The following CACNA1C variants were observed in gnomAD, a reference collection of about 807,000 sequenced individuals.
The protein encoded by CACNA1C is voltage-dependent L-type calcium channel subunit alpha-1C.
A neutral mutation model predicts 229.0 loss-of-function variants in CACNA1C; 30 were observed. That is an observed-to-expected ratio of 0.13 (90% confidence interval 0.10 to 0.18). The LOEUF is 0.18. CACNA1C is among the 10% of genes least tolerant of loss of function. CACNA1C has a pLI of 1.00. For synonymous variants in CACNA1C, 1,114 were observed against 1,132.5 expected (o/e 0.98, Z 0.33); for missense variants, 1,658 against 2,845.0 (o/e 0.58, Z 9.49).
chr12:2,685,329 C>T (rs535816859), intron 43 of CACNA1C, among the ~76,000 whole-genome samples: 24 of 150,768 alleles, frequency 1.6e-4, no homozygotes, highest in East Asian at 1.6e-3. Context: ...AATCGGGGGA[C>T]GGGCATAAGT....
chr12:2,597,626 AAT>A lies in CACNA1C; in HGVS notation c.2853+338_2853+339del, dbSNP rs2069034421. 3 of 730,822 alleles carry A rather than the reference AAT, an allele frequency of 4.1e-6. No individual in the cohort carries two copies. The highest frequency in any genetic ancestry group is 4.2e-5 in the Admixed American group (2 of 47,564). 45.3% of individuals were successfully genotyped at this position (730,822 alleles called of 1,614,324 possible). On this transcript the variant is annotated intron_variant, in intron 21 of 46. Transcript: ENST00000399655. This position sits in a 1 kb window ranked among gnomAD's most constrained non-coding sequence, Gnocchi z 4.3. ...TTACTCCCAAGCCTGAAATTGGAAA[AAT>A]GAGTGCCCCTCACTTTGTGTGATGC...
chr12:2,310,897 G>A (rs984798512), intron 3 of CACNA1C, among the ~76,000 whole-genome samples: 1 of 152,184 alleles, frequency 6.6e-6, no homozygotes, highest in African/African-American at 2.4e-5. Context: ...GAGTTGAGGG[G>A]TAGAAAAAGG....
At position 2,665,796 on chromosome 12, in the gene CACNA1C, C is replaced by T; in HGVS notation, c.4526+88C>T. 7.6e-7 allele frequency: 1 copy of T among 1,324,224 alleles called. No homozygotes were observed. The highest frequency in any genetic ancestry group is 1.0e-6 in the Non-Finnish European group (1 of 972,466). The allele number at this position is 1,324,224 out of a possible 1,614,324, so 82.0% of individuals were successfully genotyped here. A position where few individuals can be genotyped will look rare whatever the true frequency, so the allele number is the denominator to read the frequency against. ...GCAGGAGGGGCTCAAGGTTGGCCAA[C>T]ACTGGGTGGATCAATTAGAAACACT... On this transcript the variant is annotated intron_variant, in intron 36 of 46. Transcript: ENST00000399655. This position sits in a 1 kb window ranked among gnomAD's most constrained non-coding sequence, Gnocchi z 5.9.
chr12:2,637,590 T>C (rs888863385), intron 30 of CACNA1C, among the ~76,000 whole-genome samples: 1 of 152,238 alleles, frequency 6.6e-6, no homozygotes, highest in African/African-American at 2.4e-5. Context: ...GCAGCCAGTG[T>C]GAGGGACAGC....
At chr12:2,363,797 T>G (rs1179309936) in intron 3 of CACNA1C, among the ~76,000 whole-genome samples, 1 of 152,114 alleles carries the variant, frequency 6.6e-6, no homozygotes, top group African/African-American at 2.4e-5. Context: ...AGGTTTGGGG[T>G]AGGGGGACGG....
Position 2,689,800 on chromosome 12 carries a change from G to C in CACNA1C, c.6117+1021G>C, listed in dbSNP as rs916776688. 1.3e-5 allele frequency: 2 copies of C among 152,234 alleles called. No homozygotes were observed. Among genetic ancestry groups the C allele is most frequent in the African/African-American group, 4.8e-5 (2 of 41,426 alleles). The allele number at this position is 152,234 out of a possible 1,614,324, so 9.4% of individuals were successfully genotyped here. A position where few individuals can be genotyped will look rare whatever the true frequency, so the allele number is the denominator to read the frequency against. ...GGTACAGGGACACAGCTGAGAAACA[G>C]AGCTTCTGCTCTCATGAGCTCACAT... On this transcript the variant is annotated intron_variant, in intron 46 of 46. Coordinates refer to ENST00000399655, the MANE Select transcript of CACNA1C (RefSeq NM_000719.7). The surrounding 1 kb of genome is among the most constrained non-coding windows in gnomAD (Gnocchi z 4.2).
chr12:2,394,002 G>C (rs2098530427), intron 3 of CACNA1C, among the ~76,000 whole-genome samples: 1 of 152,152 alleles, frequency 6.6e-6, no homozygotes, highest in African/African-American at 2.4e-5. Flanking sequence ...CCCAGCTACA[G>C]GCTAAAGCAG....
intron 8 of CACNA1C, among the ~76,000 whole-genome samples, chr12:2,510,033 T>C (rs1172312888): frequency 6.6e-6 from 1 of 152,218 alleles, no homozygotes; most frequent in African/African-American, 2.4e-5. Flanking sequence ...CACACCGCCC[T>C]GTGCATGCTT....
chr12:2,067,458 GT>G lies in CACNA1C; in HGVS notation c.49+13848del, dbSNP rs997356496. Among the ~76,000 whole-genome samples, 1 of 104,478 alleles carries G rather than the reference GT, an allele frequency of 9.6e-6. No homozygotes were observed. The highest frequency in any genetic ancestry group is 2.2e-5 in the Non-Finnish European group (1 of 46,480). The allele number at this position is 104,478 out of a possible 152,430, so 68.5% of individuals were successfully genotyped here. On this transcript the variant is annotated intron_variant, in intron 1 of 46. Coordinates refer to ENST00000399655, the MANE Select transcript of CACNA1C (RefSeq NM_000719.7). This position sits in a 1 kb window ranked among gnomAD's most constrained non-coding sequence, Gnocchi z 5.3. ...TGTGGACTAGGATGCACGTGTGTGTGTGTGTGTGTGTGTGTGTGTGTGTGCG... is the reference window on the plus strand; with the variant it reads ...TGTGGACTAGGATGCACGTGTGTGTGGTGTGTGTGTGTGTGTGTGTGTGCG...
chr12:2,380,326 C>T (rs370637463), intron 3 of CACNA1C, among the ~76,000 whole-genome samples: 3 of 152,190 alleles, frequency 2.0e-5, no homozygotes, highest in East Asian at 3.8e-4. Flanking sequence ...AGCTTTAACA[C>T]GTGACGCTGC....
Position 1,985,955 on chromosome 12 carries a change from T to C in CACNA1C, c.139+14754T>C, listed in dbSNP as rs564788125. Among the ~76,000 whole-genome samples the C allele has an allele frequency of 8.5e-3, 1,298 of 152,214 alleles. 9 individuals are homozygous for C. The highest frequency in any genetic ancestry group is 0.017 in the Middle Eastern group (5 of 294). ...CCTCCCAAGTAGCTGGGACTGCAGG[T>C]GCCTGCCACCACACTTGGCTAATTT... On this transcript the variant is annotated intron_variant, in intron 1 of 46. Coordinates refer to the CACNA1C transcript ENST00000682462.
chr12:2,501,469 G>T (rs1403242568), intron 7 of CACNA1C, among the ~76,000 whole-genome samples: 1 of 152,134 alleles, frequency 6.6e-6, no homozygotes, highest in Non-Finnish European at 1.5e-5. Flanking sequence ...ACACAAGTAG[G>T]CGCTCGGTAA....
chr12:2,071,241 G>A (rs2061238930), intron 1 of CACNA1C, among the ~76,000 whole-genome samples: 1 of 144,734 alleles, frequency 6.9e-6, no homozygotes, highest in Non-Finnish European at 1.5e-5. Flanking sequence ...CCTTTCCTTT[G>A]ACAGGGTCTC....
intron 3 of CACNA1C, among the ~76,000 whole-genome samples, chr12:2,134,542 A>G (rs879937648): frequency 0.069 from 7,311 of 106,224 alleles, no homozygotes; most frequent in African/African-American, 0.14. Flanking sequence ...TCTGTAAAGT[A>G]TTTTATTTCT....
At chr12:2,164,103 T>G (rs923877236) in intron 3 of CACNA1C, among the ~76,000 whole-genome samples, 3 of 152,220 alleles carry the variant, frequency 2.0e-5, no homozygotes, top group Non-Finnish European at 4.4e-5. Flanking sequence ...CCCTGCTCCT[T>G]TCACGGAGTC....
rs1023163843 is a variant in CACNA1C at position 2,696,849 on chromosome 12, G to A, written c.*5650G>A. ...GGAACCTGAGGCTGCAGGTTTCAGG[G>A]ACCCCCTTGAAGAAACCTCTCCTGG... On this transcript the variant is annotated 3_prime_UTR_variant, in exon 47 of 47. Coordinates refer to ENST00000399655, the MANE Select transcript of CACNA1C (RefSeq NM_000719.7). 2.0e-5 allele frequency: 3 copies of A among 152,126 alleles called. No individual in the cohort carries two copies. Among genetic ancestry groups the A allele is most frequent in the Non-Finnish European group, 4.4e-5 (3 of 68,028 alleles). The allele number at this position is 152,126 out of a possible 1,614,324, so 9.4% of individuals were successfully genotyped here.
chr12:2,534,852 A>T (rs1371770187), intron 9 of CACNA1C, among the ~76,000 whole-genome samples: 1 of 152,192 alleles, frequency 6.6e-6, no homozygotes, highest in Non-Finnish European at 1.5e-5. Flanking sequence ...TATCTAAATT[A>T]AACCTTTCCA....
intron 29 of CACNA1C, among the ~76,000 whole-genome samples, chr12:2,626,471 C>G (rs187896756): frequency 6.6e-6 from 1 of 152,332 alleles, no homozygotes; most frequent in African/African-American, 2.4e-5. Context: ...GATTGCTCCT[C>G]CTTGTTCCAG....
intron 3 of CACNA1C, among the ~76,000 whole-genome samples, chr12:2,230,510 C>T (rs1378771755): frequency 6.6e-6 from 1 of 152,198 alleles, no homozygotes; most frequent in African/African-American, 2.4e-5. Flanking sequence ...GTCCAAAAGG[C>T]TAAGAGGAGA....
Sources: gnomAD v4.1 joint callset for allele counts (sites outside exome capture counted in the v4.1 genomes callset) on GRCh38, gnomAD v4.1.1 for gene constraint, Gnocchi (gnomAD v3.1) non-coding constraint, MANE v1.5 for transcripts, NCBI Gene and HGNC (gene_info 2026-07-23, HGNC 2026-07-21) for gene names.